PLEKHM3: variants seen among roughly 807,000 people sequenced by gnomAD.
PLEKHM3 encodes the protein pleckstrin homology domain containing M3.
A neutral mutation model predicts 81.8 loss-of-function variants in PLEKHM3; 45 were observed. The observed-to-expected ratio is 0.55, with a 90% confidence interval of 0.43 to 0.71. The LOEUF is 0.71. Among genes scored for constraint, PLEKHM3 ranks in the 30% least tolerant of loss-of-function variants. The probability of loss-of-function intolerance (pLI) is 0.00; values close to 1 mark genes in which losing one functional copy is unlikely to be tolerated. For missense variants in PLEKHM3, 788 were observed against 924.3 expected (o/e 0.85, Z 1.91); for synonymous variants, 352 against 356.4 (o/e 0.99, Z 0.14).
intron 5 of PLEKHM3, among the ~76,000 whole-genome samples, chr2:207,923,905 A>ATATATATATATATAT (rs1396762429): frequency 7.1e-5 from 2 of 28,340 alleles, no homozygotes; most frequent in Non-Finnish European, 1.3e-4. Context: ...ATATATATAT[A>ATATATATATATATAT]TTTTTTTTTT....
intron 7 of PLEKHM3, among the ~76,000 whole-genome samples, chr2:207,858,170 GTGTGTA>G (rs1353988763): frequency 1.0e-5 from 1 of 99,542 alleles, no homozygotes; most frequent in Admixed American, 9.8e-5. Flanking sequence ...GTGTGTGTGT[GTGTGTA>G]TATATTTTTT....
At chr2:207,929,597 C>T (rs1490170869) in intron 5 of PLEKHM3, among the ~76,000 whole-genome samples, 1 of 152,142 alleles carries the variant, frequency 6.6e-6, no homozygotes, top group Non-Finnish European at 1.5e-5. Flanking sequence ...AAGGAAAGCC[C>T]TGATCTTTTA....
chr2:207,955,590 T>C (rs929579992), intron 3 of PLEKHM3, among the ~76,000 whole-genome samples: 3 of 152,120 alleles, frequency 2.0e-5, no homozygotes, highest in African/African-American at 7.2e-5. Context: ...TTCTATGAGG[T>C]AGGTATTATG....
chr2:207,977,695 C>T, intron 2 of PLEKHM3, 109 bp from the exon 3 acceptor site: 1 of 935,768 alleles, frequency 1.1e-6, no homozygotes, highest in Non-Finnish European at 1.6e-6. Flanking sequence ...CAGGGACTGA[C>T]AGTCTTCTGG....
At chr2:207,961,800 C>G (rs1299135896) in intron 3 of PLEKHM3, among the ~76,000 whole-genome samples, 1 of 152,152 alleles carries the variant, frequency 6.6e-6, no homozygotes, top group Non-Finnish European at 1.5e-5. Flanking sequence ...CCAGAAATCT[C>G]CCTTCCCCAG....
At chr2:207,893,568 A>G (rs1688129370) in intron 6 of PLEKHM3, among the ~76,000 whole-genome samples, 1 of 152,206 alleles carries the variant, frequency 6.6e-6, no homozygotes, top group Non-Finnish European at 1.5e-5. Context: ...TGGGTAGCAA[A>G]GACTCATCTT....
chr2:207,953,600 C>T (rs1690407904), intron 3 of PLEKHM3, among the ~76,000 whole-genome samples: 1 of 151,978 alleles, frequency 6.6e-6, no homozygotes, highest in Non-Finnish European at 1.5e-5. Context: ...ACCAGCCTAG[C>T]CAACATGGTG....
chr2:207,861,145 CATTG>C lies in PLEKHM3; in HGVS notation c.2064_2067del (p.Asn688LysfsTer53), dbSNP rs2092464995. ...TCCTCAAAAGGGTAGAGGATCTCTC[CATTG>C]TTACAGATTTCACAGATGAACCCCT... On this transcript the variant is annotated frameshift_variant, in exon 7 of 8. Transcript: ENST00000427836. LOFTEE classifies it high-confidence loss of function. The C allele has an allele frequency of 1.9e-6, 3 of 1,613,942 alleles. No homozygotes were observed. In the South Asian group the frequency reaches 3.3e-5, roughly 18 times the overall value.
intron 7 of PLEKHM3, among the ~76,000 whole-genome samples, chr2:207,844,292 C>A (rs912410508): frequency 1.4e-5 from 2 of 147,340 alleles, no homozygotes; most frequent in Non-Finnish European, 3.0e-5. Flanking sequence ...ACAATTCATA[C>A]ATTTATTTTT....
intron 6 of PLEKHM3, among the ~76,000 whole-genome samples, chr2:207,865,107 C>T (rs1308897742): frequency 6.6e-6 from 1 of 152,138 alleles, no homozygotes; most frequent in African/African-American, 2.4e-5. Context: ...CTTGTTGCAT[C>T]ACCCAGGGCT....
chr2:207,955,532 A>T lies in PLEKHM3; in HGVS notation c.1547-9020T>A, dbSNP rs1200144066. 2.0e-5 allele frequency among the ~76,000 whole-genome samples: 3 copies of T among 152,236 alleles called. No homozygotes were observed. The East Asian group carries it at 5.8e-4, about 29-fold the overall frequency. ...CTACTTTACATACACACAAACGAAC[A>T]TATGTAAATACATGTGTATGTCTCT... On this transcript the variant is annotated intron_variant, in intron 3 of 7. Transcript: ENST00000427836.
intron 7 of PLEKHM3, among the ~76,000 whole-genome samples, chr2:207,840,030 GTCC>G (rs1215374953): frequency 2.0e-5 from 3 of 152,214 alleles, no homozygotes; most frequent in Admixed American, 6.5e-5. Flanking sequence ...GTTTTAACAA[GTCC>G]TCCTGGGAAT....
intron 2 of PLEKHM3, among the ~76,000 whole-genome samples, chr2:207,980,172 C>G (rs369522694): frequency 3.9e-5 from 6 of 152,156 alleles, no homozygotes; most frequent in South Asian, 4.1e-4. Flanking sequence ...AAAACCACCT[C>G]TCCTGCTTTT....
chr2:207,874,569 C>T (rs1002652694), intron 6 of PLEKHM3, among the ~76,000 whole-genome samples: 2 of 151,522 alleles, frequency 1.3e-5, no homozygotes, highest in African/African-American at 4.8e-5. Context: ...AATGAAACTC[C>T]GTCTCAAAAA....
intron 6 of PLEKHM3, among the ~76,000 whole-genome samples, chr2:207,893,683 GAGAA>G (rs1369871742): frequency 6.6e-6 from 1 of 151,940 alleles, no homozygotes; most frequent in African/African-American, 2.4e-5. Context: ...CAGAGAGAGA[GAGAA>G]AGAGAGAAGC....
At chr2:208,017,504 G>A (rs1692960996) in intron 1 of PLEKHM3, among the ~76,000 whole-genome samples, 1 of 152,180 alleles carries the variant, frequency 6.6e-6, no homozygotes, top group South Asian at 2.1e-4. Context: ...GGAAAGGAGG[G>A]ATTCAGTGGC....
chr2:207,835,811 C>A (rs1260128681), intron 7 of PLEKHM3, among the ~76,000 whole-genome samples: 1 of 152,156 alleles, frequency 6.6e-6, no homozygotes, highest in Non-Finnish European at 1.5e-5. Context: ...TTCTCCCAAT[C>A]CTTATCAGTG....
At chr2:207,967,018 C>G (rs1690938724) in intron 3 of PLEKHM3, among the ~76,000 whole-genome samples, 2 of 152,180 alleles carry the variant, frequency 1.3e-5, no homozygotes, top group Admixed American at 1.3e-4. Flanking sequence ...GGATCTCACT[C>G]TGTCACCCAG....
intron 7 of PLEKHM3, 118 bp downstream of exon 7, chr2:207,860,987 C>T: frequency 8.2e-7 from 1 of 1,220,432 alleles, no homozygotes. Context: ...ACAAGGAAAA[C>T]CTGATCCAGG....
Sources: allele counts gnomAD v4.1 joint callset (sites outside exome capture counted in the v4.1 genomes callset), GRCh38; gene constraint gnomAD v4.1.1; transcripts MANE v1.5; gene names NCBI Gene and HGNC (gene_info 2026-07-23, HGNC 2026-07-21).